The following DMXL2 variants were observed in gnomAD, a reference collection of about 807,000 sequenced individuals.
The protein encoded by DMXL2 is dmX-like protein 2.
Under a neutral mutation model 331.1 loss-of-function variants are expected in DMXL2, and 103 were observed. The ratio of observed to expected loss-of-function variants is 0.31; its 90% CI spans 0.27 to 0.37. The LOEUF (loss-of-function observed/expected upper bound fraction) is 0.37, where lower values mean the gene tolerates loss of function less well. DMXL2 is among the 10% of genes least tolerant of loss of function. The pLI is 1.00. For synonymous variants in DMXL2, 1,281 were observed against 1,252.1 expected, an observed-to-expected ratio of 1.02 and a Z score of -0.49; for missense variants, 3,171 against 3,642.9, an observed-to-expected ratio of 0.87 and a Z score of 3.33.
chr15:51,614,327 C>T (rs1239279147), intron 1 of DMXL2, among the ~76,000 whole-genome samples: 4 of 152,112 alleles, frequency 2.6e-5, no homozygotes, highest in Non-Finnish European at 1.5e-5. Context: ...TTATGGCAGC[C>T]CCAGCAAATT....
At chr15:51,528,564 C>A (rs1461176234) in intron 13 of DMXL2, among the ~76,000 whole-genome samples, 1 of 152,014 alleles carries the variant, frequency 6.6e-6, no homozygotes, top group Non-Finnish European at 1.5e-5. Context: ...GTCAATTCAG[C>A]AAGAGAATAT....
chr15:51,502,220 G>A lies in DMXL2; in HGVS notation c.2992+586C>T, dbSNP rs190212981. 1.7e-3 allele frequency among the ~76,000 whole-genome samples: 235 copies of A among 139,598 alleles called. 1 individual carries two copies. The highest frequency in any genetic ancestry group is 3.0e-3 in the South Asian group (13 of 4,328). The allele number at this position is 139,598 out of a possible 152,430, so 91.6% of individuals were successfully genotyped here. A position where few individuals can be genotyped will look rare whatever the true frequency, so the allele number is the denominator to read the frequency against. ...TGCATTCCAGCCTGGGCGACAGAGT[G>A]AGACTCCGTCTAAAAAAAAAAAAAA... is the stretch of plus-strand genomic sequence containing the variant. On this transcript the variant is annotated intron_variant, in intron 17 of 43. Coordinates refer to ENST00000560891, the MANE Select transcript of DMXL2 (RefSeq NM_001378457.1).
chr15:51,451,437 T>C (rs115045631), intron 42 of DMXL2, among the ~76,000 whole-genome samples: 156 of 152,346 alleles, frequency 1.0e-3, no homozygotes, highest in African/African-American at 3.4e-3. Context: ...TATTTTGGAT[T>C]TCTGAGACCA....
At chr15:51,615,068 C>T (rs1235119037) in intron 1 of DMXL2, among the ~76,000 whole-genome samples, 2 of 151,962 alleles carry the variant, frequency 1.3e-5, no homozygotes, top group African/African-American at 2.4e-5. Flanking sequence ...AGATACGGGA[C>T]ATAAATGGAA....
chr15:51,550,726 A>G (rs1189450923), intron 6 of DMXL2, among the ~76,000 whole-genome samples: 1 of 152,204 alleles, frequency 6.6e-6, no homozygotes, highest in African/African-American at 2.4e-5. Context: ...ATAGAATTTC[A>G]GCAAACATCT....
At position 51,509,165 on chromosome 15, in the gene DMXL2, T is replaced by C. The variant is rs145818734; in HGVS notation, c.2645-1912A>G. 3.8e-3 allele frequency among the ~76,000 whole-genome samples: 578 copies of C among 150,988 alleles called. 3 individuals are homozygous for C. The highest frequency in any genetic ancestry group is 0.014 in the African/African-American group (557 of 41,150). On this transcript the variant is annotated intron_variant, in intron 15 of 43. Coordinates refer to ENST00000560891, the MANE Select transcript of DMXL2 (RefSeq NM_001378457.1). ...TAGACAAGAAAAAGTTTAAACAACA[T>C]CACAAGTAAGTAGTCAGAGAAACTT...
chr15:51,453,333 AT>A (rs2039323524), intron 41 of DMXL2: 1 of 398,228 alleles, frequency 2.5e-6, no homozygotes, highest in Non-Finnish European at 4.4e-6. Flanking sequence ...AAAAGACTGA[AT>A]AGCTTTAAAA....
At chr15:51,531,015 T>C (rs1430315276) in intron 13 of DMXL2, among the ~76,000 whole-genome samples, 2 of 152,168 alleles carry the variant, frequency 1.3e-5, no homozygotes, top group African/African-American at 4.8e-5. Flanking sequence ...ACATTCTTTA[T>C]AGAAATTTTT....
intron 9 of DMXL2, among the ~76,000 whole-genome samples, chr15:51,539,390 T>C (rs1384751214): frequency 6.6e-6 from 1 of 152,168 alleles, no homozygotes; most frequent in Non-Finnish European, 1.5e-5. Context: ...TTTGAAACTT[T>C]ACTAAATAGC....
chr15:51,448,952 C>T lies in DMXL2; in HGVS notation c.*32G>A, dbSNP rs1399967842. 1 of 1,603,148 alleles carries T rather than the reference C, an allele frequency of 6.2e-7. No individual in the cohort carries two copies. Among genetic ancestry groups the T allele is most frequent in the Non-Finnish European group, 8.5e-7 (1 of 1,172,884 alleles). ...GTGATGACTGTAGTGTGCCTTTTAA[C>T]TGAAATGTATATAAAAATAAAACCC... is the stretch of plus-strand genomic sequence containing the variant. On this transcript the variant is annotated 3_prime_UTR_variant, in exon 44 of 44. Coordinates refer to ENST00000560891, the MANE Select transcript of DMXL2 (RefSeq NM_001378457.1).
intron 41 of DMXL2, among the ~76,000 whole-genome samples, chr15:51,452,176 G>GT (rs1396458973): frequency 6.6e-6 from 1 of 151,196 alleles, no homozygotes; most frequent in Non-Finnish European, 1.5e-5. Context: ...TCTAACACTT[G>GT]AAACCATAAA....
intron 1 of DMXL2, among the ~76,000 whole-genome samples, chr15:51,589,140 T>G (rs2052093706): frequency 6.6e-6 from 1 of 152,140 alleles, no homozygotes; most frequent in Non-Finnish European, 1.5e-5. Context: ...CCAATCAAAG[T>G]CTACTCCGGG....
At chr15:51,467,114 G>T (rs940117991) in intron 29 of DMXL2, among the ~76,000 whole-genome samples, 1 of 151,944 alleles carries the variant, frequency 6.6e-6, no homozygotes, top group Non-Finnish European at 1.5e-5. Flanking sequence ...GATCCAGTCT[G>T]TTCCTCACTT....
intron 1 of DMXL2, among the ~76,000 whole-genome samples, chr15:51,591,107 C>A (rs989689997): frequency 1.3e-5 from 2 of 152,152 alleles, no homozygotes; most frequent in Admixed American, 6.5e-5. Context: ...ATGCAGTGCA[C>A]CGAACGTGAA....
chr15:51,564,688 C>T (rs929585583), intron 4 of DMXL2, among the ~76,000 whole-genome samples: 2 of 151,950 alleles, frequency 1.3e-5, no homozygotes, highest in African/African-American at 4.8e-5. Context: ...TAAAAAGGGA[C>T]AACAGCTATT....
At chr15:51,581,275 G>T (rs1263591491) in intron 1 of DMXL2, among the ~76,000 whole-genome samples, 1 of 152,168 alleles carries the variant, frequency 6.6e-6, no homozygotes, top group East Asian at 1.9e-4. Context: ...AGAATCTAAT[G>T]ATAAACATAA....
At chr15:51,524,959 T>G (rs1322308998) in intron 13 of DMXL2, among the ~76,000 whole-genome samples, 3 of 151,724 alleles carry the variant, frequency 2.0e-5, no homozygotes, top group African/African-American at 7.3e-5. Flanking sequence ...AACCCCAGGC[T>G]GTACAACTCA....
At chr15:51,513,099 T>G (rs1265711659) in intron 15 of DMXL2, among the ~76,000 whole-genome samples, 1 of 151,950 alleles carries the variant, frequency 6.6e-6, no homozygotes, top group Non-Finnish European at 1.5e-5. Context: ...ACACAAAAAC[T>G]AAAGGAAAAC....
At chr15:51,550,937 C>T (rs558040919) in intron 6 of DMXL2, among the ~76,000 whole-genome samples, 2 of 152,016 alleles carry the variant, frequency 1.3e-5, no homozygotes, top group East Asian at 1.9e-4. Context: ...CTCAATGGAC[C>T]GTAATATTAA....
Sources: gnomAD v4.1 joint callset for allele counts (sites outside exome capture counted in the v4.1 genomes callset) on GRCh38, gnomAD v4.1.1 for gene constraint, MANE v1.5 for transcripts, NCBI Gene and HGNC (gene_info 2026-07-23, HGNC 2026-07-21) for gene names.